The following TMC1 variants were observed in gnomAD, a reference collection of about 807,000 sequenced individuals.
TMC1 encodes transmembrane channel-like protein 1.
TMC1 carries 84 observed loss-of-function variants against 105.8 expected under a neutral mutation model. The ratio of observed to expected loss-of-function variants is 0.79; its 90% CI spans 0.67 to 0.95. The LOEUF is 0.95. Among genes scored for constraint, TMC1 ranks in the 40% least tolerant of loss-of-function variants. TMC1 has a pLI of 0.00. For missense variants in TMC1, 817 were observed against 914.1 expected (o/e 0.89, Z 1.37); for synonymous variants, 315 against 311.5 (o/e 1.01, Z -0.12).
chr9:72,534,972 T>C (rs1365605761), intron 1 of TMC1, among the ~76,000 whole-genome samples: 2 of 152,104 alleles, frequency 1.3e-5, no homozygotes, highest in Admixed American at 6.6e-5. Flanking sequence ...ACTTCAAATA[T>C]ATCTATTATC....
chr9:72,667,276 A>T (rs1043306364), intron 5 of TMC1, among the ~76,000 whole-genome samples: 20 of 152,096 alleles, frequency 1.3e-4, no homozygotes, highest in African/African-American at 4.6e-4. Flanking sequence ...GGGTTCAGTG[A>T]ATTTTCTACC....
intron 2 of TMC1, among the ~76,000 whole-genome samples, chr9:72,609,356 T>C (rs371090176): frequency 6.6e-6 from 1 of 152,032 alleles, no homozygotes. Context: ...CTGGCCAACA[T>C]GGTGAAAACC....
chr9:72,678,080 A>C (rs1826230246), intron 5 of TMC1, among the ~76,000 whole-genome samples: 1 of 152,134 alleles, frequency 6.6e-6, no homozygotes. Context: ...ATACACTTTC[A>C]CACCTTTTGG....
chr9:72,539,657 G>C (rs1564397829), intron 1 of TMC1, among the ~76,000 whole-genome samples: 1 of 152,102 alleles, frequency 6.6e-6, no homozygotes, highest in Non-Finnish European at 1.5e-5. Context: ...TCTCTAAGAA[G>C]TTCCAAACTT....
intron 3 of TMC1, among the ~76,000 whole-genome samples, chr9:72,622,508 C>G (rs1436681841): frequency 6.6e-6 from 1 of 152,146 alleles, no homozygotes; most frequent in Non-Finnish European, 1.5e-5. Flanking sequence ...TTTTAAAATT[C>G]TTGATGCCTG....
chr9:72,606,973 G>GTA lies in TMC1; in HGVS notation c.-305-9394_-305-9393insAT, dbSNP rs879549433. Among the ~76,000 whole-genome samples, 710 of 133,380 alleles carry GTA rather than the reference G, an allele frequency of 5.3e-3. 8 individuals carry two copies. The highest frequency in any genetic ancestry group is 0.017 in the African/African-American group (614 of 35,678). The allele number at this position is 133,380 out of a possible 152,430, so 87.5% of individuals were successfully genotyped here. A position where few individuals can be genotyped will look rare whatever the true frequency, so the allele number is the denominator to read the frequency against. ...TATGTATGTATGTATGTATGTATGT[G>GTA]TGTGTGTGCATATATATATATATAT... On this transcript the variant is annotated intron_variant, in intron 2 of 23. Coordinates refer to ENST00000297784, the MANE Select transcript of TMC1 (RefSeq NM_138691.3).
chr9:72,725,515 G>T (rs1022204342), intron 8 of TMC1, among the ~76,000 whole-genome samples: 4 of 151,488 alleles, frequency 2.6e-5, no homozygotes, highest in Non-Finnish European at 5.9e-5. Flanking sequence ...CTTGGAGTCC[G>T]ATATTCGAGG....
chr9:72,688,606 A>G (rs1826413841), intron 5 of TMC1, 103 bp from the exon 6 acceptor site: 1 of 1,115,110 alleles, frequency 9.0e-7, no homozygotes, highest in East Asian at 2.5e-5. Context: ...AATTGTATTA[A>G]CTGCACAAAA....
intron 17 of TMC1, among the ~76,000 whole-genome samples, chr9:72,801,757 G>A (rs1406984837): frequency 6.6e-6 from 1 of 152,330 alleles, no homozygotes; most frequent in East Asian, 1.9e-4. Context: ...AAGCACACAA[G>A]GAACTAGGAT....
chr9:72,781,853 A>G (rs1226327533), intron 13 of TMC1, among the ~76,000 whole-genome samples: 1 of 152,186 alleles, frequency 6.6e-6, no homozygotes, highest in Non-Finnish European at 1.5e-5. Flanking sequence ...CCTGGACCAG[A>G]CAAATTCACA....
chr9:72,702,981 G>C (rs1461356183), intron 8 of TMC1, among the ~76,000 whole-genome samples: 1 of 151,708 alleles, frequency 6.6e-6, no homozygotes, highest in Non-Finnish European at 1.5e-5. Context: ...CTAGACATAG[G>C]TTTTTTTATT....
chr9:72,723,159 C>T lies in TMC1; in HGVS notation c.363-16960C>T, dbSNP rs190869769. ...AAAAGTGCATCAATGACTTCTTATC[C>T]CAGTTTTTTAAACTAAAAAAACTGC... is the stretch of plus-strand genomic sequence containing the variant. On this transcript the variant is annotated intron_variant, in intron 8 of 23. Transcript: ENST00000297784. 8.8e-4 allele frequency among the ~76,000 whole-genome samples: 134 copies of T among 152,124 alleles called. 1 individual carries two copies. The highest frequency in any genetic ancestry group is 1.1e-3 in the Non-Finnish European group (78 of 67,992).
intron 1 of TMC1, among the ~76,000 whole-genome samples, chr9:72,522,541 C>T (rs1823330904): frequency 6.6e-6 from 1 of 151,986 alleles, no homozygotes; most frequent in African/African-American, 2.4e-5. Context: ...GGACAGTGAG[C>T]ACAGGGACAA....
chr9:72,695,856 T>C (rs1564496617), intron 7 of TMC1, among the ~76,000 whole-genome samples: 1 of 152,212 alleles, frequency 6.6e-6, no homozygotes, highest in African/African-American at 2.4e-5. Flanking sequence ...CAAAACTTGC[T>C]TTTAAATTTT....
At chr9:72,630,585 T>C (rs1306516160) in intron 4 of TMC1, among the ~76,000 whole-genome samples, 1 of 152,184 alleles carries the variant, frequency 6.6e-6, no homozygotes, top group Non-Finnish European at 1.5e-5. Flanking sequence ...TCATTAAAAA[T>C]CATGTTTATG....
At chr9:72,739,520 T>G (rs1564523688) in intron 8 of TMC1, among the ~76,000 whole-genome samples, 1 of 152,180 alleles carries the variant, frequency 6.6e-6, no homozygotes, top group East Asian at 1.9e-4. Context: ...TATTTGGGAG[T>G]AATGTTAAAG....
intron 5 of TMC1, chr9:72,651,362 G>A (rs1379956768): frequency 1.3e-5 from 2 of 151,722 alleles, no homozygotes; most frequent in Non-Finnish European, 2.9e-5. Context: ...TTGTATTATC[G>A]AGCTCCTTCA....
chr9:72,716,944 T>C (rs1584127), intron 8 of TMC1, among the ~76,000 whole-genome samples: 82,379 of 151,702 alleles, frequency 0.54, 23,069 homozygotes, highest in African/African-American at 0.7. Flanking sequence ...GTGAAGACCA[T>C]GGGAAAAGTG....
intron 11 of TMC1, among the ~76,000 whole-genome samples, chr9:72,753,174 G>A (rs947063996): frequency 5.3e-5 from 8 of 151,616 alleles, no homozygotes; most frequent in African/African-American, 1.5e-4. Flanking sequence ...TGTCTGGCTC[G>A]TAGAAGACAG....
Sources: allele counts gnomAD v4.1 joint callset (sites outside exome capture counted in the v4.1 genomes callset), GRCh38; gene constraint gnomAD v4.1.1; transcripts MANE v1.5; gene names NCBI Gene and HGNC (gene_info 2026-07-23, HGNC 2026-07-21).